Variants in ADAM18 observed in about 807,000 individuals in gnomAD.
ADAM18 encodes ADAM metallopeptidase domain 18, also known as disintegrin and metalloproteinase domain-containing protein 18.
In ADAM18, 117 loss-of-function variants were observed where a neutral mutation model predicts 94.4. The observed-to-expected ratio is 1.24, with a 90% CI of 1.07 to 1.45. The LOEUF (loss-of-function observed/expected upper bound fraction) is 1.45, where lower values mean the gene tolerates loss of function less well. Among genes scored for constraint, ADAM18 ranks in the 40% most tolerant of loss-of-function variants. The pLI is 0.00. For synonymous variants in ADAM18, 327 were observed against 291.6 expected, an observed-to-expected ratio of 1.12 and a Z score of -1.24; for missense variants, 936 against 880.0, an observed-to-expected ratio of 1.06 and a Z score of -0.81.
intron 17 of ADAM18, among the ~76,000 whole-genome samples, chr8:39,701,440 C>T (rs1038749423): frequency 9.9e-5 from 15 of 152,016 alleles, no homozygotes; most frequent in African/African-American, 1.4e-4. Flanking sequence ...CACATTTAAA[C>T]ATTTTTCTTT....
intron 12 of ADAM18, among the ~76,000 whole-genome samples, chr8:39,654,707 T>C (rs1820639411): frequency 6.6e-6 from 1 of 152,216 alleles, no homozygotes; most frequent in African/African-American, 2.4e-5. Flanking sequence ...TTAGCATTTG[T>C]TATTTTCTGT....
intron 6 of ADAM18, among the ~76,000 whole-genome samples, chr8:39,627,637 G>C (rs1455756800): frequency 6.6e-6 from 1 of 152,030 alleles, no homozygotes; most frequent in East Asian, 1.9e-4. Flanking sequence ...GAAGACAGCA[G>C]ATGTTTGGTT....
At chr8:39,585,095 T>C (rs567993206) in intron 1 of ADAM18, among the ~76,000 whole-genome samples, 181 bp from the exon 2 acceptor site, 1 of 152,280 alleles carries the variant, frequency 6.6e-6, no homozygotes, top group South Asian at 2.1e-4. Flanking sequence ...GTCTTAGCCA[T>C]TTTCAATGTG....
intron 7 of ADAM18, among the ~76,000 whole-genome samples, chr8:39,632,177 T>C (rs1396371712): frequency 1.3e-5 from 2 of 152,010 alleles, no homozygotes; most frequent in Non-Finnish European, 2.9e-5. Context: ...TGCATTTATG[T>C]ATACATGTAT....
At chr8:39,609,655 T>A in intron 5 of ADAM18, 94 bp downstream of exon 5, 1 of 821,568 alleles carries the variant, frequency 1.2e-6, no homozygotes, top group Non-Finnish European at 1.9e-6. Context: ...CATGGAAGTT[T>A]AAGGGAAATC....
chr8:39,613,378 G>A (rs866273667), intron 6 of ADAM18, among the ~76,000 whole-genome samples: 2 of 152,180 alleles, frequency 1.3e-5, no homozygotes, highest in African/African-American at 4.8e-5. Flanking sequence ...AACCAAGTAT[G>A]AGCCCTCTAA....
chr8:39,649,315 A>T (rs1254380254), intron 12 of ADAM18, among the ~76,000 whole-genome samples: 2 of 152,100 alleles, frequency 1.3e-5, no homozygotes, highest in Non-Finnish European at 2.9e-5. Context: ...CTATATGTGT[A>T]TATACACACA....
intron 19 of ADAM18, among the ~76,000 whole-genome samples, chr8:39,726,486 T>G (rs1289408287): frequency 6.6e-6 from 1 of 152,052 alleles, no homozygotes; most frequent in Non-Finnish European, 1.5e-5. Flanking sequence ...TGCAAATACT[T>G]TGTCTCATTC....
chr8:39,633,394 A>G (rs1310722739), intron 7 of ADAM18, among the ~76,000 whole-genome samples: 1 of 152,216 alleles, frequency 6.6e-6, no homozygotes. Context: ...GAGAGCTCAT[A>G]AGAAGAGAAG....
intron 15 of ADAM18, 97 bp from the exon 16 acceptor site, chr8:39,679,940 A>G: frequency 8.7e-7 from 1 of 1,153,704 alleles, no homozygotes; most frequent in Non-Finnish European, 1.3e-6. Context: ...TTGTTATACT[A>G]TCAATTAACA....
intron 2 of ADAM18, among the ~76,000 whole-genome samples, chr8:39,595,576 AGT>A (rs1459300610): frequency 6.6e-6 from 1 of 152,178 alleles, no homozygotes; most frequent in Non-Finnish European, 1.5e-5. Flanking sequence ...GCTGGAGTAC[AGT>A]GGCATGATCT....
intron 17 of ADAM18, among the ~76,000 whole-genome samples, chr8:39,694,853 G>A (rs1483292413): frequency 6.6e-6 from 1 of 151,388 alleles, no homozygotes; most frequent in East Asian, 1.9e-4. Flanking sequence ...TTCAAAATAT[G>A]CGTCTTAAAA....
At chr8:39,655,169 T>A (rs1820653195) in intron 12 of ADAM18, among the ~76,000 whole-genome samples, 1 of 152,196 alleles carries the variant, frequency 6.6e-6, no homozygotes, top group South Asian at 2.1e-4. Context: ...AGGTATTACA[T>A]TTAAGTCTTT....
At position 39,668,203 on chromosome 8, in the gene ADAM18, C is replaced by T; in HGVS notation, c.1525+7C>T. 1 of 1,612,962 alleles carries T rather than the reference C, an allele frequency of 6.2e-7. No homozygotes were observed. The highest frequency in any genetic ancestry group is 8.5e-7 in the Non-Finnish European group (1 of 1,179,034). ...GCCAAGATATTTGGAAAAGGTATTG[C>T]TCTTTCTTTCGTATTTATTTTACCT... On this transcript the variant is annotated splice_region_variant and intron_variant, in intron 14 of 19. Transcript: ENST00000265707.
At chr8:39,605,430 CTGCTT>C (rs1819045865) in intron 2 of ADAM18, among the ~76,000 whole-genome samples, 2 of 152,278 alleles carry the variant, frequency 1.3e-5, no homozygotes, top group East Asian at 3.9e-4. Flanking sequence ...AGCTTCTTGT[CTGCTT>C]TCAGTCTCTT....
intron 6 of ADAM18, among the ~76,000 whole-genome samples, chr8:39,620,888 TAGTG>T (rs985159730): frequency 9.2e-5 from 14 of 151,796 alleles, no homozygotes; most frequent in Admixed American, 3.3e-4. Context: ...GAGGGGTAGA[TAGTG>T]AGAGAATATT....
intron 14 of ADAM18, 97 bp from the exon 15 acceptor site, chr8:39,677,334 C>A: frequency 2.1e-6 from 2 of 949,668 alleles, no homozygotes; most frequent in Non-Finnish European, 3.2e-6. Context: ...TCAACAAGTA[C>A]ATGATCTTTT....
intron 12 of ADAM18, among the ~76,000 whole-genome samples, chr8:39,658,523 A>G (rs966239197): frequency 6.6e-6 from 1 of 152,202 alleles, no homozygotes; most frequent in Non-Finnish European, 1.5e-5. Context: ...TGAAAAAGGC[A>G]GGAAAATAGA....
chr8:39,635,684 T>C (rs1241371124), intron 7 of ADAM18, among the ~76,000 whole-genome samples: 1 of 152,208 alleles, frequency 6.6e-6, no homozygotes, highest in African/African-American at 2.4e-5. Flanking sequence ...GTTTCTTTTT[T>C]CTACTCCAAT....
Sources: allele counts gnomAD v4.1 joint callset (sites outside exome capture counted in the v4.1 genomes callset), GRCh38; gene constraint gnomAD v4.1.1; transcripts MANE v1.5; gene names NCBI Gene and HGNC (gene_info 2026-07-23, HGNC 2026-07-21).